HAP1: variants seen among roughly 807,000 people sequenced by gnomAD.
HAP1 encodes the protein huntingtin associated protein 1.
Under a neutral mutation model 60.3 loss-of-function variants are expected in HAP1, and 59 were observed. The ratio of observed to expected loss-of-function variants is 0.98; its 90% confidence interval spans 0.79 to 1.22. The LOEUF is 1.22. Ranked by LOEUF, HAP1 falls within the 50% of genes most tolerant of loss-of-function variation. The pLI is 0.00. For synonymous variants in HAP1, 346 were observed against 330.6 expected (o/e 1.05, Z -0.50); for missense variants, 825 against 785.3 (o/e 1.05, Z -0.60).
intron 6 of HAP1, 73 bp from the exon 7 acceptor site, chr17:41,728,404 C>G: frequency 9.2e-6 from 13 of 1,419,040 alleles, no homozygotes; most frequent in Non-Finnish European, 1.2e-5. Context: ...CTCCCAGATG[C>G]CTCTGTCTCC....
intron 6 of HAP1, chr17:41,730,056 G>GAGAGAGAGA (rs376154668): frequency 1.0e-3 from 8 of 7,760 alleles, no homozygotes; most frequent in Admixed American, 3.0e-3. Context: ...AGAGAGAGAA[G>GAGAGAGAGA]GAAGAAAAGA....
chr17:41,727,734 G>C lies in HAP1; in HGVS notation c.1275+28C>G, dbSNP rs369511839. On this transcript the variant is annotated intron_variant, in intron 8 of 10. Transcript: ENST00000347901. ...CTCTGGGCCAGCGGCTCTCCAGGGT[G>C]GGGGCAGAAGCCGGCAGCGAGACTC... 9.0e-5 allele frequency: 138 copies of C among 1,527,732 alleles called. No individual in the cohort carries two copies. In the East Asian group the frequency reaches 1.9e-3, roughly 21 times the overall value. 94.6% of individuals were successfully genotyped at this position (1,527,732 alleles called of 1,614,324 possible).
chr17:41,729,602 G>A (rs1261533536), intron 6 of HAP1, among the ~76,000 whole-genome samples: 14 of 142,110 alleles, frequency 9.9e-5, no homozygotes, highest in African/African-American at 2.6e-4. Flanking sequence ...TTGGCCGGGC[G>A]TGGTGGCTCA....
At chr17:41,718,562 T>C (rs2143153047), downstream of HAP1, among the ~76,000 whole-genome samples, 1 of 152,278 alleles carries the variant, frequency 6.6e-6, no homozygotes, top group East Asian at 1.9e-4. Flanking sequence ...CCAGCCTAGG[T>C]TAGACTTCCA....
intron 5 of HAP1, 37 bp from the exon 6 acceptor site, chr17:41,731,596 A>C: frequency 6.2e-7 from 1 of 1,602,084 alleles, no homozygotes; most frequent in Non-Finnish European, 8.6e-7. Context: ...AGGGAAGTCA[A>C]CACCCCCTGC....
intron 2 of HAP1, 34 bp from the exon 3 acceptor site, chr17:41,732,428 G>A (rs1253516372): frequency 1.9e-6 from 3 of 1,605,294 alleles, no homozygotes; most frequent in African/African-American, 1.3e-5. Flanking sequence ...GAGAGGCTAG[G>A]CCCCTAAGAG....
chr17:41,727,295 C>T (rs1555589135), intron 8 of HAP1, 151 bp from the exon 9 acceptor site: 1 of 780,576 alleles, frequency 1.3e-6, no homozygotes, highest in African/African-American at 1.7e-5. Context: ...GGAGGGTCCT[C>T]ACCAGAGGCA....
chr17:41,724,736 C>A lies in HAP1; in HGVS notation c.1825G>T (p.Ala609Ser). 1 of 1,594,780 alleles carries A rather than the reference C, an allele frequency of 6.3e-7. No individual in the cohort carries two copies. Among genetic ancestry groups the A allele is most frequent in the South Asian group, 1.1e-5 (1 of 90,566 alleles). Residue 609 changes from alanine to serine, a missense_variant, in exon 11 of 11, where the codon GCC becomes TCC. By Grantham distance (99) the Ala-to-Ser change is moderately conservative. Coordinates refer to ENST00000347901, the MANE Select transcript of HAP1 (RefSeq NM_177977.3). ...GECPHGALPA[A>S]SRTSCRSSCR ...GACGATCTGCAGCTTGTCCGGCTGG[C>A]GGCAGGGAGGGCCCCGTGGGGGCAC...
intron 6 of HAP1, among the ~76,000 whole-genome samples, chr17:41,729,474 C>A (rs1244124701): frequency 8.2e-6 from 1 of 122,128 alleles, no homozygotes; most frequent in Non-Finnish European, 1.6e-5. Flanking sequence ...CGCTTAAACT[C>A]GGGAGGTGGA....
downstream of HAP1, among the ~76,000 whole-genome samples, chr17:41,719,620 G>A (rs1015065802): frequency 2.0e-5 from 3 of 151,900 alleles, no homozygotes; most frequent in Non-Finnish European, 4.4e-5. Flanking sequence ...TTGAGCCCAG[G>A]AGGCAGAGGT....
downstream of HAP1, chr17:41,722,595 C>T (rs1030972763): frequency 6.6e-6 from 1 of 152,086 alleles, no homozygotes; most frequent in Non-Finnish European, 1.5e-5. Context: ...TTCGCCCTGC[C>T]AAGTGCACAC....
chr17:41,733,379 C>CTTTTTT (rs1912419821), intron 1 of HAP1, among the ~76,000 whole-genome samples: 1 of 41,256 alleles, frequency 2.4e-5, no homozygotes, highest in African/African-American at 7.3e-5. Flanking sequence ...TTTTTTTTAC[C>CTTTTTT]CCTGGAGGAG....
intron 6 of HAP1, among the ~76,000 whole-genome samples, chr17:41,728,970 C>T (rs868990627): frequency 3.3e-5 from 5 of 151,780 alleles, no homozygotes; most frequent in African/African-American, 1.2e-4. Context: ...TTATTTGAGA[C>T]CGAATCTCTG....
Position 41,727,919 on chromosome 17 carries a change from C to G in HAP1, c.1201-83G>C, listed in dbSNP as rs1446293177. The G allele has an allele frequency of 3.5e-6, 3 of 862,236 alleles. No homozygotes were observed. The Admixed American group carries it at 5.7e-5, about 16-fold the overall frequency. The allele number at this position is 862,236 out of a possible 1,614,324, so 53.4% of individuals were successfully genotyped here. On this transcript the variant is annotated intron_variant, in intron 7 of 10. Coordinates refer to ENST00000347901, the MANE Select transcript of HAP1 (RefSeq NM_177977.3). ...CCTGCTTCCAGCAAGTCTTCCCAGG[C>G]ACATCAGTGAGTCCTTGGCAGCCCA...
intron 9 of HAP1, among the ~76,000 whole-genome samples, chr17:41,726,743 A>G (rs1911666321): frequency 6.7e-6 from 1 of 149,932 alleles, no homozygotes; most frequent in Non-Finnish European, 1.5e-5. Flanking sequence ...CATGCCTGTA[A>G]TCCCAGCTAC....
Position 41,725,885 on chromosome 17 carries a change from C to A in HAP1, c.1380G>T (p.Met460Ile). The A allele has an allele frequency of 6.2e-7, 1 of 1,612,474 alleles. No individual in the cohort carries two copies. Residue 460 changes from methionine to isoleucine, a missense_variant, in exon 10 of 11, where the codon ATG becomes ATT. Transcript: ENST00000347901. ...TTAGGCTGGATGTGTCCCCTCTGGG[C>A]ATCTCATAATTCCTTCAAAGAGAAA... is the stretch of plus-strand genomic sequence containing the variant. ...PVYFMERNYEMPRGDTSSLRY... is the reference protein window; with the variant it reads ...PVYFMERNYEIPRGDTSSLRY...
At chr17:41,732,664 C>A in intron 2 of HAP1, 55 bp downstream of exon 2, 1 of 1,411,252 alleles carries the variant, frequency 7.1e-7, no homozygotes, top group Middle Eastern at 1.8e-4. Flanking sequence ...GACCCCCACC[C>A]CTACAGGACA....
chr17:41,728,185 C>T lies in HAP1; in HGVS notation c.1200+16G>A, dbSNP rs1555589495. On this transcript the variant is annotated intron_variant, in intron 7 of 10. Transcript: ENST00000347901. ...ATGGGGCCACGACAAGAGGGTTCCA[C>T]ACACACCCGACTCACCATCCGGCAG... is the stretch of plus-strand genomic sequence containing the variant. The T allele has an allele frequency of 6.2e-7, 1 of 1,607,912 alleles. No homozygotes were observed. Among genetic ancestry groups the T allele is most frequent in the East Asian group, 2.2e-5 (1 of 44,882 alleles).
At position 41,732,098 on chromosome 17, in the gene HAP1, C is replaced by G. The variant is rs1555591231; in HGVS notation, c.735G>C (p.Gln245His). The G allele has an allele frequency of 6.2e-7, 1 of 1,613,942 alleles. No homozygotes were observed. Among genetic ancestry groups the G allele is most frequent in the Non-Finnish European group, 8.5e-7 (1 of 1,179,872 alleles). ...AKEEILYLRH[Q>H]VNLRDELLQL... ...GGAGGAGCTCATCCCGCAAGTTCAC[C>G]TGGTGTCTGAGGTATAAAATCTGGC... The change falls in exon 4 of 11, where the codon CAG (glutamine) becomes CAC (histidine). Residue 245 changes from glutamine (Q) to histidine (H), a missense_variant. Physicochemically the swap from Gln to His is conservative, Grantham distance 24. Transcript: ENST00000347901.
Sources: gnomAD v4.1 joint callset for allele counts (sites outside exome capture counted in the v4.1 genomes callset) on GRCh38, gnomAD v4.1.1 for gene constraint, MANE v1.5 for transcripts, NCBI Gene and HGNC (gene_info 2026-07-23, HGNC 2026-07-21) for gene names.